The following ZNF44 variants were observed in gnomAD, a reference collection of about 807,000 sequenced individuals.
ZNF44 encodes zinc finger protein 44, also known as gonadotropin inducible transcription repressor-2.
A neutral mutation model predicts 11.7 loss-of-function variants in ZNF44; 9 were observed. The observed-to-expected ratio is 0.77, with a 90% confidence interval of 0.46 to 1.35. The LOEUF is 1.35. Among genes scored for constraint, ZNF44 ranks in the 40% most tolerant of loss-of-function variants. The pLI is 0.00. For synonymous variants in ZNF44, 224 were observed against 242.7 expected (o/e 0.92, Z 0.72); for missense variants, 696 against 743.1 (o/e 0.94, Z 0.74).
chr19:12,229,440 G>A lies in ZNF44; in HGVS notation n.436+1020C>T, dbSNP rs375714492. The stretch of plus-strand genomic sequence containing the variant: ...AAGGGATCCCAGGCCACCAGAAACC[G>A]TTTTAGGATTTTATACATGCACCAA... On this transcript the variant is annotated intron_variant and non_coding_transcript_variant, in intron 3 of 3. Transcript: ENST00000597563. Among the ~76,000 whole-genome samples, 184 of 152,176 alleles carry A rather than the reference G, an allele frequency of 1.2e-3. 5 individuals carry two copies. In the South Asian group the frequency reaches 0.031, roughly 26 times the overall value.
chr19:12,283,215 CCA>C (rs1967560594), intron 1 of ZNF44, among the ~76,000 whole-genome samples: 1 of 152,230 alleles, frequency 6.6e-6, no homozygotes, highest in African/African-American at 2.4e-5. Context: ...TGGAGACACA[CCA>C]GAGCAGAGAT....
At chr19:12,247,880 A>T in exon 8 of ZNF44, 2 of 1,315,386 alleles carry the variant, frequency 1.5e-6, no homozygotes, top group Non-Finnish European at 2.0e-6. Flanking sequence ...GTGCAGTGTG[A>T]TTCCTCTCAT....
In ZNF44 at chr19:12,273,445, T is replaced by A. The variant is rs935244864; in HGVS notation, c.810A>T (p.Arg270Ser). 3 of 1,613,930 alleles carry A rather than the reference T, an allele frequency of 1.9e-6. No individual in the cohort carries two copies. Among genetic ancestry groups the A allele is most frequent in the African/African-American group, 2.7e-5 (2 of 74,868 alleles). ...TCTCTCCAGTGTGAGTTCTTTCATG[T>A]CTTAGATATGAACTGTAATCAGGGA... ...KAFPDYSSYL[R>S]HERTHTGEKP... is the part of the protein sequence containing the mutation. Residue 270 changes from arginine (R) to serine (S), a missense_variant, in exon 4 of 4, where the codon AGA becomes AGT. Physicochemically the swap from Arg to Ser is moderately radical, Grantham distance 110. Coordinates refer to ENST00000355684, the MANE Select transcript of ZNF44 (RefSeq NM_016264.4).
rs928317966 is a variant in ZNF44, at chr19:12,284,728, A to G, written c.4-8646T>C. 8 of 744,766 alleles carry G rather than the reference A, an allele frequency of 1.1e-5. No individual in the cohort carries two copies. In the African/African-American group the frequency reaches 1.4e-4, roughly 13 times the overall value. The allele number at this position is 744,766 out of a possible 1,614,324, so 46.1% of individuals were successfully genotyped here. On this transcript the variant is annotated intron_variant, in intron 1 of 3. Transcript: ENST00000355684. ...AATGGCCATGTCCGTCTGGGAGTTA[A>G]GTGCTCCAAGGAGGCAGCCACTGCC...
At chr19:12,249,886 C>A in intron 7 of ZNF44, 2 of 892,646 alleles carry the variant, frequency 2.2e-6, no homozygotes, top group South Asian at 3.2e-5. Flanking sequence ...ACATTTGAGG[C>A]TCAGCTTGTT....
intron 3 of ZNF44, among the ~76,000 whole-genome samples, chr19:12,230,233 T>C (rs773472693): frequency 2.0e-5 from 3 of 152,182 alleles, no homozygotes; most frequent in African/African-American, 7.2e-5. Context: ...TTGGCACCCA[T>C]GTGGACTGGC....
chr19:12,239,072 A>G (rs1030851838), upstream of ZNF44, among the ~76,000 whole-genome samples: 3 of 152,144 alleles, frequency 2.0e-5, no homozygotes, highest in Non-Finnish European at 4.4e-5. Flanking sequence ...TCATAAACCC[A>G]TTCTCCAGAA....
chr19:12,231,996 G>A (rs1916183662), intron 2 of ZNF44, among the ~76,000 whole-genome samples: 1 of 152,230 alleles, frequency 6.6e-6, no homozygotes. Context: ...AGTTCCCTTA[G>A]TATTTATTGA....
In ZNF44 at chr19:12,273,668, G is replaced by A. The variant is rs1967078282; in HGVS notation, c.587C>T (p.Pro196Leu). 6.2e-7 allele frequency: 1 copy of A among 1,614,046 alleles called. No homozygotes were observed. Among genetic ancestry groups the A allele is most frequent in the Admixed American group, 1.7e-5 (1 of 60,006 alleles). The change falls in exon 4 of 4, where the codon CCT (proline) becomes CTT (leucine). Residue 196 changes from proline to leucine, a missense_variant. Pro to Leu is a moderately conservative substitution (Grantham distance 98, BLOSUM62 -3). Coordinates refer to ENST00000355684, the MANE Select transcript of ZNF44 (RefSeq NM_016264.4). ...TTTCCCACACAATTCACATTTATAA[G>A]GTCCATCTCCACCTTTTACTACCAT... Reference protein sequence around the residue: ...RHMVVKGGDGPYKCELCGKAF... With the variant: ...RHMVVKGGDGLYKCELCGKAF...
At chr19:12,250,719 C>G in intron 5 of ZNF44, 1 of 454,678 alleles carries the variant, frequency 2.2e-6, no homozygotes, top group South Asian at 1.6e-5. Context: ...ACTCAACATT[C>G]CATGAGACAC....
At chr19:12,279,050 T>G (rs1316527372) in intron 1 of ZNF44, among the ~76,000 whole-genome samples, 1 of 152,188 alleles carries the variant, frequency 6.6e-6, no homozygotes, top group African/African-American at 2.4e-5. Flanking sequence ...TCATCTTCTT[T>G]TTTACTTTTA....
downstream of ZNF44, among the ~76,000 whole-genome samples, chr19:12,247,039 A>T (rs553115199): frequency 5.3e-5 from 8 of 151,366 alleles, no homozygotes; most frequent in East Asian, 1.5e-3. Flanking sequence ...ATATAAAAAT[A>T]TTTTAAAATA....
At chr19:12,252,960 T>A (rs944764851) in intron 5 of ZNF44, among the ~76,000 whole-genome samples, 10 of 138,322 alleles carry the variant, frequency 7.2e-5, no homozygotes, top group Admixed American at 3.2e-4. Context: ...CAATCTTGGC[T>A]CACTGCAACC....
downstream of ZNF44, among the ~76,000 whole-genome samples, chr19:12,243,510 AC>A (rs540131747): frequency 4.7e-4 from 71 of 152,188 alleles, no homozygotes; most frequent in Non-Finnish European, 9.0e-4. Context: ...TTTCCTTTTT[AC>A]GGCTGAGTAA....
intron 1 of ZNF44, among the ~76,000 whole-genome samples, chr19:12,278,776 G>C (rs1218246600): frequency 6.6e-6 from 1 of 151,454 alleles, no homozygotes; most frequent in East Asian, 1.9e-4. Context: ...CAGGAGAAAA[G>C]GCTAGGGTAT....
intron 5 of ZNF44, among the ~76,000 whole-genome samples, chr19:12,262,076 C>T (rs1917529328): frequency 6.6e-6 from 1 of 151,944 alleles, no homozygotes; most frequent in Non-Finnish European, 1.5e-5. Context: ...CATATTTTAT[C>T]TTTCTACTGT....
At chr19:12,294,177 G>A (rs1409197316) in intron 1 of ZNF44, among the ~76,000 whole-genome samples, 2 of 152,174 alleles carry the variant, frequency 1.3e-5, no homozygotes, top group African/African-American at 4.8e-5. Flanking sequence ...AGCCCACTCA[G>A]CAGCAGAATG....
chr19:12,285,057 A>G, intron 1 of ZNF44: 1 of 679,884 alleles, frequency 1.5e-6, no homozygotes, highest in Non-Finnish European at 2.6e-6. Context: ...CAGCTACCTA[A>G]CCCCTGACCT....
chr19:12,272,529 G>A lies in ZNF44; in HGVS notation c.1726C>T (p.Arg576Ter), dbSNP rs775399740. 1.3e-5 allele frequency: 21 copies of A among 1,613,316 alleles called. No individual in the cohort carries two copies. Among genetic ancestry groups the A allele is most frequent in the African/African-American group, 1.1e-4 (8 of 74,816 alleles). ...GKAFSRSSFC[R>*]EHERTHTGEK... ...CCAGTGTGAGTTCTTTCATGTTCTCGACAGAAACTGGAACGACTGAAGGCT... is the reference window on the plus strand; with the variant it reads ...CCAGTGTGAGTTCTTTCATGTTCTCAACAGAAACTGGAACGACTGAAGGCT... Residue 576 changes from arginine (R) to a stop codon, truncating the protein, a stop_gained, in exon 4 of 4, where the codon CGA becomes TGA. Transcript: ENST00000355684. LOFTEE classifies it low-confidence loss of function (END_TRUNC).
Sources: allele counts gnomAD v4.1 joint callset (sites outside exome capture counted in the v4.1 genomes callset), GRCh38; gene constraint gnomAD v4.1.1; transcripts MANE v1.5; gene names NCBI Gene and HGNC (gene_info 2026-07-23, HGNC 2026-07-21).